Variants in KHDRBS3 observed in about 807,000 individuals in gnomAD.
KHDRBS3 encodes KH RNA binding domain containing, signal transduction associated 3.
KHDRBS3 carries 23 observed loss-of-function variants against 45.6 expected under a neutral mutation model. That is an observed-to-expected ratio of 0.50 (90% CI 0.36 to 0.72). KHDRBS3 has a LOEUF of 0.72. Among genes scored for constraint, KHDRBS3 ranks in the 30% least tolerant of loss-of-function variants. The pLI is 0.00. For synonymous variants in KHDRBS3, 162 were observed against 156.5 expected, an observed-to-expected ratio of 1.04 and a Z score of -0.26; for missense variants, 352 against 424.8, an observed-to-expected ratio of 0.83 and a Z score of 1.51.
At chr8:135,473,058 G>A (rs1222177603) in intron 1 of KHDRBS3, among the ~76,000 whole-genome samples, 1 of 146,546 alleles carries the variant, frequency 6.8e-6, no homozygotes, top group Non-Finnish European at 1.5e-5. Flanking sequence ...TTTTGGTGAT[G>A]CATTTTTTAA....
intron 5 of KHDRBS3, among the ~76,000 whole-genome samples, chr8:135,574,890 T>C (rs1827881028): frequency 6.6e-6 from 1 of 152,240 alleles, no homozygotes; most frequent in South Asian, 2.1e-4. Flanking sequence ...CACTGTCTCA[T>C]GTTTCTCTCC....
chr8:135,524,857 A>G (rs955945363), intron 2 of KHDRBS3, among the ~76,000 whole-genome samples: 4 of 152,324 alleles, frequency 2.6e-5, no homozygotes, highest in African/African-American at 7.2e-5. Flanking sequence ...AATCATATAT[A>G]CATGTATGTA....
chr8:135,521,598 T>C (rs1281167373), intron 2 of KHDRBS3, among the ~76,000 whole-genome samples: 1 of 152,252 alleles, frequency 6.6e-6, no homozygotes, highest in Non-Finnish European at 1.5e-5. Flanking sequence ...TTGGGAAGCC[T>C]CTTCAACTTC....
intron 1 of KHDRBS3, among the ~76,000 whole-genome samples, chr8:135,484,229 A>G (rs1335222139): frequency 1.3e-5 from 2 of 152,212 alleles, no homozygotes; most frequent in African/African-American, 4.8e-5. Context: ...GGCCAACGGG[A>G]CCCCAGAAAA....
In KHDRBS3 at chr8:135,509,543, A is replaced by G. The variant is rs1447593901; in HGVS notation, c.89-11694A>G. On this transcript the variant is annotated intron_variant, in intron 1 of 8. Coordinates refer to ENST00000355849, the MANE Select transcript of KHDRBS3 (RefSeq NM_006558.3). ...TTGGTCCTTATTGTTTTAAAATTTT[A>G]ACAAACCTATGAAATTTACGCATGT... is the stretch of plus-strand genomic sequence containing the variant. 3.9e-5 allele frequency among the ~76,000 whole-genome samples: 6 copies of G among 152,302 alleles called. No homozygotes were observed. In the East Asian group the frequency reaches 1.2e-3, roughly 29 times the overall value.
At position 135,583,226 on chromosome 8, in the gene KHDRBS3, T is replaced by C. The variant is rs1349233842; in HGVS notation, c.807+1153T>C. On this transcript the variant is annotated intron_variant, in intron 6 of 8. Coordinates refer to ENST00000355849, the MANE Select transcript of KHDRBS3 (RefSeq NM_006558.3). ...GCAGGAATGGATAGCTTTTATCTCT[T>C]TATACTTGGGAGAGAGTGCATACTG... 4.6e-5 allele frequency among the ~76,000 whole-genome samples: 7 copies of C among 152,236 alleles called. No homozygotes were observed. In the East Asian group the frequency reaches 1.2e-3, roughly 25 times the overall value.
chr8:135,611,770 T>G (rs1190218432), intron 7 of KHDRBS3, among the ~76,000 whole-genome samples: 1 of 151,870 alleles, frequency 6.6e-6, no homozygotes, highest in African/African-American at 2.4e-5. Flanking sequence ...GGTACTGGAT[T>G]AGGGTTTCAA....
chr8:135,652,941 A>G (rs918378783), intron 4 of KHDRBS3, among the ~76,000 whole-genome samples: 4 of 152,182 alleles, frequency 2.6e-5, no homozygotes, highest in Non-Finnish European at 5.9e-5. Context: ...GTACAGGACA[A>G]TGTACTAGGT....
At chr8:135,572,219 T>C (rs536618525) in intron 5 of KHDRBS3, among the ~76,000 whole-genome samples, 1 of 152,270 alleles carries the variant, frequency 6.6e-6, no homozygotes, top group African/African-American at 2.4e-5. Flanking sequence ...AAATCAGAAT[T>C]GGAAGACAGT....
intron 1 of KHDRBS3, among the ~76,000 whole-genome samples, chr8:135,488,816 T>TA (rs1358287284): frequency 6.6e-6 from 1 of 152,224 alleles, no homozygotes; most frequent in Non-Finnish European, 1.5e-5. Flanking sequence ...GCTTGATACT[T>TA]ACTGTAGTCA....
chr8:135,497,585 G>C (rs1350815494), intron 1 of KHDRBS3, among the ~76,000 whole-genome samples: 1 of 151,994 alleles, frequency 6.6e-6, no homozygotes, highest in African/African-American at 2.4e-5. Context: ...GGAGTCACAG[G>C]CACAAATTAT....
chr8:135,544,459 T>C (rs566621051), intron 3 of KHDRBS3, among the ~76,000 whole-genome samples: 2 of 152,146 alleles, frequency 1.3e-5, no homozygotes, highest in Middle Eastern at 3.2e-3. Context: ...CCAGATGATA[T>C]TGTCATATCA....
rs575493255 is a variant in KHDRBS3 at position 135,529,431 on chromosome 8, A to T, written c.207+8076A>T. On this transcript the variant is annotated intron_variant, in intron 2 of 8. Coordinates refer to ENST00000355849, the MANE Select transcript of KHDRBS3 (RefSeq NM_006558.3). ...AAATCTTAACGTTTGCTCTCCTTAC[A>T]GTGCTTGATTATTGAGGCAGAAAGC... 3.3e-5 allele frequency among the ~76,000 whole-genome samples: 5 copies of T among 152,372 alleles called. No individual in the cohort carries two copies. In the East Asian group the frequency reaches 9.6e-4, roughly 29 times the overall value.
chr8:135,625,105 G>C (rs1398148531), intron 7 of KHDRBS3: 16 of 830,666 alleles, frequency 1.9e-5, no homozygotes, highest in Middle Eastern at 3.1e-4. Context: ...GTCCTCTAAG[G>C]ATAATAAAAG....
At chr8:135,589,299 T>G (rs765178156) in intron 6 of KHDRBS3, among the ~76,000 whole-genome samples, 27 of 152,174 alleles carry the variant, frequency 1.8e-4, no homozygotes, top group Non-Finnish European at 3.2e-4. Flanking sequence ...ACATCGGATA[T>G]GCTACTGCCC....
Position 135,647,036 on chromosome 8 carries a change from G to A in KHDRBS3, c.993G>A (p.Ala331=), listed in dbSNP as rs201329239. 260 of 1,611,328 alleles carry A rather than the reference G, an allele frequency of 1.6e-4. No individual in the cohort carries two copies. Among genetic ancestry groups the A allele is most frequent in the Non-Finnish European group, 2.0e-4 (234 of 1,177,534 alleles). The change falls in exon 9 of 9, where the codon GCG becomes GCA. Residue 331 remains alanine, a synonymous_variant. Transcript: ENST00000355849. The part of the protein sequence containing the change: ...WTNSRHKAPS[A]RTAKGVYRDQ... Reference sequence around the variant, plus strand: ...ACTCAAGACACAAGGCACCTTCAGCGAGGACAGCAAAGGGCGTCTACAGAG... The same window carrying A: ...ACTCAAGACACAAGGCACCTTCAGCAAGGACAGCAAAGGGCGTCTACAGAG...
At chr8:135,564,143 C>A (rs759062266) in intron 5 of KHDRBS3, among the ~76,000 whole-genome samples, 2 of 152,170 alleles carry the variant, frequency 1.3e-5, no homozygotes, top group Non-Finnish European at 1.5e-5. Context: ...TGGGAACTGT[C>A]AGCTTAAGAT....
rs528267148 is a variant in KHDRBS3, at chr8:135,520,886, T to G, written c.89-351T>G. 3.9e-5 allele frequency among the ~76,000 whole-genome samples: 6 copies of G among 152,340 alleles called. 1 individual carries two copies. The South Asian group carries it at 1.2e-3, about 32-fold the overall frequency. The stretch of plus-strand genomic sequence containing the variant: ...GGTAACTAGGGATGTTTCAGCACTT[T>G]GTATCACTGAACTGTGAATACTTAA... On this transcript the variant is annotated intron_variant, in intron 1 of 8. Transcript: ENST00000355849.
At chr8:135,593,049 A>G (rs1362934059) in intron 6 of KHDRBS3, among the ~76,000 whole-genome samples, 1 of 152,174 alleles carries the variant, frequency 6.6e-6, no homozygotes, top group Non-Finnish European at 1.5e-5. Context: ...ATTAAAATAA[A>G]TTTAAGAAAA....
Sources: gnomAD v4.1 joint callset for allele counts (sites outside exome capture counted in the v4.1 genomes callset) on GRCh38, gnomAD v4.1.1 for gene constraint, MANE v1.5 for transcripts, NCBI Gene and HGNC (gene_info 2026-07-23, HGNC 2026-07-21) for gene names.